The following MGLL variants were observed in gnomAD, a reference collection of about 807,000 sequenced individuals.
MGLL encodes the protein monoglyceride lipase.
MGLL carries 7 observed loss-of-function variants against 29.1 expected under a neutral mutation model. The observed-to-expected ratio is 0.24, with a 90% CI of 0.14 to 0.45. MGLL has a LOEUF of 0.45. Among genes scored for constraint, MGLL ranks in the 20% least tolerant of loss-of-function variants. The pLI is 0.99. For synonymous variants in MGLL, 148 were observed against 168.3 expected, an observed-to-expected ratio of 0.88 and a Z score of 0.93; for missense variants, 356 against 413.6, an observed-to-expected ratio of 0.86 and a Z score of 1.21.
chr3:127,747,996 C>T (rs1456377019), intron 3 of MGLL, among the ~76,000 whole-genome samples: 1 of 152,168 alleles, frequency 6.6e-6, no homozygotes, highest in Non-Finnish European at 1.5e-5. Context: ...CTCTCTCTTC[C>T]CAAGTCCACG....
chr3:127,728,655 T>C (rs893187219), intron 3 of MGLL, among the ~76,000 whole-genome samples: 2 of 152,264 alleles, frequency 1.3e-5, no homozygotes, highest in Middle Eastern at 3.2e-3. Context: ...ATCCAAGCTC[T>C]TATTTATTAA....
chr3:127,758,641 G>T (rs564171150), intron 3 of MGLL, among the ~76,000 whole-genome samples: 1 of 152,298 alleles, frequency 6.6e-6, no homozygotes, highest in East Asian at 1.9e-4. Context: ...CTAACAATTC[G>T]GCTGTACCGA....
intron 2 of MGLL, among the ~76,000 whole-genome samples, chr3:127,782,998 A>C (rs771202128): frequency 9.2e-5 from 14 of 151,956 alleles, no homozygotes; most frequent in Non-Finnish European, 2.1e-4. Context: ...AACATGGTGA[A>C]ACTCCGTCAC....
At chr3:127,780,077 C>A (rs985075898) in intron 3 of MGLL, among the ~76,000 whole-genome samples, 1 of 152,242 alleles carries the variant, frequency 6.6e-6, no homozygotes, top group Admixed American at 6.5e-5. Flanking sequence ...ACAGAGAGCT[C>A]TGCCTCAACT....
chr3:127,797,966 C>T lies in MGLL; in HGVS notation c.156-16071G>A, dbSNP rs76627131. Among the ~76,000 whole-genome samples, 474 of 152,306 alleles carry T rather than the reference C, an allele frequency of 3.1e-3. 17 individuals are homozygous for T. The East Asian group carries it at 0.058, about 19-fold the overall frequency. On this transcript the variant is annotated intron_variant, in intron 2 of 7. Coordinates refer to ENST00000265052, the MANE Select transcript of MGLL (RefSeq NM_007283.7). ...ATATATTTCTCCAGTGTATCTCTAACCTTCATCTCCAACTTTGCCCAGGTT... is the reference window on the plus strand; with the variant it reads ...ATATATTTCTCCAGTGTATCTCTAATCTTCATCTCCAACTTTGCCCAGGTT...
chr3:127,808,708 C>T (rs1298213515), intron 2 of MGLL, among the ~76,000 whole-genome samples: 1 of 152,240 alleles, frequency 6.6e-6, no homozygotes, highest in Non-Finnish European at 1.5e-5. Flanking sequence ...CCAAGCTCAT[C>T]TCCCACTATT....
chr3:127,698,464 C>T (rs1047427429), intron 6 of MGLL, among the ~76,000 whole-genome samples: 1 of 152,216 alleles, frequency 6.6e-6, no homozygotes, highest in African/African-American at 2.4e-5. Flanking sequence ...CCCATTCATT[C>T]AATAGGGACC....
Position 127,821,842 on chromosome 3 carries a change from G to A in MGLL, c.11-4C>T. 6.2e-7 allele frequency: 1 copy of A among 1,613,214 alleles called. No homozygotes were observed. Among genetic ancestry groups the A allele is most frequent in the Non-Finnish European group, 8.5e-7 (1 of 1,179,324 alleles). On this transcript the variant is annotated splice_polypyrimidine_tract_variant and splice_region_variant and intron_variant, in intron 1 of 7. Coordinates refer to ENST00000265052, the MANE Select transcript of MGLL (RefSeq NM_007283.7). ...ATGCTGGAAGGGTCTTCAGGTCCTA[G>A]AAGGAAAAGTGACATATTCCAAAGT... is the stretch of plus-strand genomic sequence containing the variant.
At chr3:127,754,043 G>A (rs1006225352) in intron 3 of MGLL, among the ~76,000 whole-genome samples, 2 of 152,218 alleles carry the variant, frequency 1.3e-5, no homozygotes, top group African/African-American at 4.8e-5. Context: ...TGTTTCTGTT[G>A]GCACCCTGTT....
At chr3:127,721,809 A>G (rs948778611) in intron 4 of MGLL, among the ~76,000 whole-genome samples, 1 of 152,238 alleles carries the variant, frequency 6.6e-6, no homozygotes, top group Non-Finnish European at 1.5e-5. Context: ...AGATGTCCCC[A>G]GGCCTTCAAA....
intron 6 of MGLL, among the ~76,000 whole-genome samples, chr3:127,708,750 C>G (rs1046922777): frequency 1.3e-5 from 2 of 152,320 alleles, no homozygotes; most frequent in East Asian, 3.9e-4. Flanking sequence ...GACACCACAC[C>G]TTCAAGCTAG....
intron 5 of MGLL, chr3:127,715,344 T>A (rs897822371): frequency 3.5e-6 from 1 of 288,182 alleles, no homozygotes; most frequent in Non-Finnish European, 6.8e-6. Flanking sequence ...TCAGCTCTTT[T>A]TCTAAACCTG....
At chr3:127,789,261 T>A (rs539013492) in intron 2 of MGLL, among the ~76,000 whole-genome samples, 4 of 152,150 alleles carry the variant, frequency 2.6e-5, no homozygotes, top group Admixed American at 6.5e-5. Context: ...CTGTGGATCA[T>A]CCCCTGTGGG....
At chr3:127,710,483 G>T in intron 6 of MGLL, 93 bp downstream of exon 6, 1 of 1,132,432 alleles carries the variant, frequency 8.8e-7, no homozygotes, top group Middle Eastern at 2.3e-4. Context: ...TCGGTGAAAG[G>T]GCAGCAGAGA....
chr3:127,752,048 T>A (rs1183990841), intron 3 of MGLL, among the ~76,000 whole-genome samples: 1 of 152,012 alleles, frequency 6.6e-6, no homozygotes, highest in Non-Finnish European at 1.5e-5. Context: ...CTCACTTTGA[T>A]GTGTATTCTA....
chr3:127,700,539 CTCTG>C (rs1279682956), intron 6 of MGLL, among the ~76,000 whole-genome samples: 1 of 152,208 alleles, frequency 6.6e-6, no homozygotes, highest in African/African-American at 2.4e-5. Flanking sequence ...AGGGTCAGGG[CTCTG>C]TCTGTCCTGT....
intron 2 of MGLL, among the ~76,000 whole-genome samples, chr3:127,794,395 T>C (rs2077349121): frequency 6.6e-6 from 1 of 152,192 alleles, no homozygotes; most frequent in Non-Finnish European, 1.5e-5. Context: ...GACTATCCTC[T>C]ATTATGATGC....
At chr3:127,804,136 G>T (rs1468036008) in intron 2 of MGLL, among the ~76,000 whole-genome samples, 1 of 152,198 alleles carries the variant, frequency 6.6e-6, no homozygotes, top group Non-Finnish European at 1.5e-5. Flanking sequence ...AATCACAAAG[G>T]TGGCGTGTAA....
chr3:127,737,630 C>CTTTTTTTTTTTTTTTTTTTTT lies in MGLL; in HGVS notation c.263-15085_263-15065dup, dbSNP rs774965066. 5.8e-4 allele frequency among the ~76,000 whole-genome samples: 40 copies of CTTTTTTTTTTTTTTTTTTTTT among 68,610 alleles called. 8 individuals carry two copies. Among genetic ancestry groups the CTTTTTTTTTTTTTTTTTTTTT allele is most frequent in the African/African-American group, 2.4e-3 (32 of 13,580 alleles). The allele number at this position is 68,610 out of a possible 152,430, so 45.0% of individuals were successfully genotyped here. On this transcript the variant is annotated intron_variant, in intron 3 of 7. Transcript: ENST00000265052. ...GACACAGTGAAATCATCAACTGCTTCTTTTTTTTTTTTTTTTTTTTTTTTT... is the reference window on the plus strand; with the variant it reads ...GACACAGTGAAATCATCAACTGCTTCTTTTTTTTTTTTTTTTTTTTTTTTTTTTTTTTTTTTTTTTTTTTTT...
Sources: allele counts gnomAD v4.1 joint callset (sites outside exome capture counted in the v4.1 genomes callset), GRCh38; gene constraint gnomAD v4.1.1; transcripts MANE v1.5; gene names NCBI Gene and HGNC (gene_info 2026-07-23, HGNC 2026-07-21).